MRPS14: variants seen among roughly 807,000 people sequenced by gnomAD.
MRPS14 encodes the protein small ribosomal subunit protein uS14m.
In MRPS14, 14 loss-of-function variants were observed where a neutral mutation model predicts 16.4. That is an observed-to-expected ratio of 0.85 (90% confidence interval 0.56 to 1.33). The LOEUF is 1.33. Ranked by LOEUF, MRPS14 falls within the 40% of genes most tolerant of loss-of-function variation. MRPS14 has a pLI of 0.00. For synonymous variants in MRPS14, 54 were observed against 61.9 expected (o/e 0.87, Z 0.60); for missense variants, 162 against 176.8 (o/e 0.92, Z 0.48).
chr1:175,016,422 G>A (rs1174833219), intron 2 of MRPS14, among the ~76,000 whole-genome samples: 1 of 152,072 alleles, frequency 6.6e-6, no homozygotes, highest in Admixed American at 6.6e-5. Flanking sequence ...AGGAAACTGG[G>A]GCAAAGAGAA....
Position 175,013,261 on chromosome 1 carries a change from C to T in MRPS14, c.*1408G>A, listed in dbSNP as rs546500884. ...GCGTACTAGTCTTCATCAGATGACA[C>T]AGGCATCTCCAACACCGCATGACTG... On this transcript the variant is annotated 3_prime_UTR_variant, in exon 3 of 3. Coordinates refer to ENST00000476371, the MANE Select transcript of MRPS14 (RefSeq NM_022100.3). 6.6e-6 allele frequency: 1 copy of T among 152,216 alleles called. No individual in the cohort carries two copies. Among genetic ancestry groups the T allele is most frequent in the African/African-American group, 2.4e-5 (1 of 41,434 alleles). 9.4% of individuals were successfully genotyped at this position (152,216 alleles called of 1,614,324 possible).
At chr1:175,017,044 G>A (rs1672892973) in intron 2 of MRPS14, among the ~76,000 whole-genome samples, 1 of 146,944 alleles carries the variant, frequency 6.8e-6, no homozygotes, top group Non-Finnish European at 1.5e-5. Flanking sequence ...CAGTTTCTTG[G>A]GGGCCCCCTG....
intron 2 of MRPS14, 86 bp from the exon 3 acceptor site, chr1:175,014,937 T>TA: frequency 3.1e-6 from 2 of 635,862 alleles, no homozygotes; most frequent in Non-Finnish European, 4.4e-6. Context: ...AATTTTCTTT[T>TA]CTTTTTTTTT....
At chr1:175,015,692 TTTC>T (rs1168610072) in intron 2 of MRPS14, among the ~76,000 whole-genome samples, 8 of 152,212 alleles carry the variant, frequency 5.3e-5, no homozygotes, top group African/African-American at 1.7e-4. Flanking sequence ...TCAGTAGAGA[TTTC>T]TTCTTATGTA....
intron 2 of MRPS14, among the ~76,000 whole-genome samples, chr1:175,016,718 A>T (rs767556670): frequency 6.6e-6 from 1 of 152,230 alleles, no homozygotes; most frequent in Non-Finnish European, 1.5e-5. Flanking sequence ...GATTTGCTAA[A>T]CATATACATT....
At chr1:175,021,454 A>G (rs2149415626) in intron 1 of MRPS14, among the ~76,000 whole-genome samples, 1 of 152,130 alleles carries the variant, frequency 6.6e-6, no homozygotes. Context: ...GTATTTTATT[A>G]TTAATAAGTG....
In MRPS14 at chr1:175,018,498, T is replaced by A; in HGVS notation, c.124A>T (p.Lys42Ter). The A allele has an allele frequency of 1.2e-6, 2 of 1,613,502 alleles. No individual in the cohort carries two copies. Among genetic ancestry groups the A allele is most frequent in the East Asian group, 2.2e-5 (1 of 44,854 alleles). ...TCATCTGCGTATTCATAGGCCATTT[T>A]TCGTCTCTTCACATCGCGCCACATT... ...WRMWRDVKRRKMAYEYADERL... is the reference protein window; with the variant it reads ...WRMWRDVKRR The change falls in exon 2 of 3, where the codon AAA becomes TAA. Residue 42 changes from lysine to a stop codon, truncating the protein, a stop_gained. Transcript: ENST00000476371. LOFTEE classifies it high-confidence loss of function.
chr1:175,019,688 A>T (rs751605928), intron 1 of MRPS14, among the ~76,000 whole-genome samples: 5 of 152,226 alleles, frequency 3.3e-5, no homozygotes, highest in Admixed American at 1.3e-4. Flanking sequence ...GTCCAGTAAT[A>T]AGACAGTATA....
chr1:175,018,309 A>T, intron 2 of MRPS14, 109 bp downstream of exon 2: 2 of 1,100,052 alleles, frequency 1.8e-6, no homozygotes, highest in Non-Finnish European at 2.6e-6. Context: ...TGTGGATCTT[A>T]TTCTCCAGAA....
At position 175,018,460 on chromosome 1, in the gene MRPS14, A is replaced by C; in HGVS notation, c.162T>G (p.Ile54Met). The stretch of plus-strand genomic sequence containing the variant: ...AAATGGTATTCTTCCTGAGTGAATT[A>C]ATACGTAGCCTCTCATCTGCGTATT... ...AYEYADERLR[I>M]NSLRKNTILP... Residue 54 changes from isoleucine (I) to methionine (M), a missense_variant, in exon 2 of 3, where the codon ATT (isoleucine) becomes ATG (methionine). Coordinates refer to ENST00000476371, the MANE Select transcript of MRPS14 (RefSeq NM_022100.3). The C allele has an allele frequency of 6.2e-7, 1 of 1,609,494 alleles. No individual in the cohort carries two copies. The highest frequency in any genetic ancestry group is 8.5e-7 in the Non-Finnish European group (1 of 1,178,946).
Position 175,014,482 on chromosome 1 carries a change from GAT to G in MRPS14, c.*185_*186del. 1 of 539,524 alleles carries G rather than the reference GAT, an allele frequency of 1.9e-6. No homozygotes were observed. The allele number at this position is 539,524 out of a possible 1,614,324, so 33.4% of individuals were successfully genotyped here. A position where few individuals can be genotyped will look rare whatever the true frequency, so the allele number is the denominator to read the frequency against. Reference sequence around the variant, plus strand: ...TATGTTTGTTAAGTCCAAGAGAAAAGATAATTCACTGACATGAAACACCCAAA... The same window carrying G: ...TATGTTTGTTAAGTCCAAGAGAAAAGAATTCACTGACATGAAACACCCAAA... On this transcript the variant is annotated 3_prime_UTR_variant, in exon 3 of 3. Coordinates refer to ENST00000476371, the MANE Select transcript of MRPS14 (RefSeq NM_022100.3).
intron 1 of MRPS14, among the ~76,000 whole-genome samples, chr1:175,020,562 G>A (rs1558331477): frequency 2.0e-5 from 3 of 151,864 alleles, no homozygotes; most frequent in Admixed American, 2.0e-4. Flanking sequence ...AGGCTGGAGT[G>A]CAATGACGCG....
intron 2 of MRPS14, among the ~76,000 whole-genome samples, chr1:175,017,507 G>A (rs1672904395): frequency 6.6e-6 from 1 of 152,178 alleles, no homozygotes; most frequent in Admixed American, 6.5e-5. Context: ...ATATCATTCT[G>A]CCAACTTCTC....
intron 1 of MRPS14, among the ~76,000 whole-genome samples, chr1:175,023,113 C>A (rs148769593): frequency 2.1e-3 from 325 of 152,350 alleles, no homozygotes; most frequent in African/African-American, 7.5e-3. Flanking sequence ...CGTCTCCTAT[C>A]TGCTTACTCC....
intron 1 of MRPS14, among the ~76,000 whole-genome samples, chr1:175,020,917 T>C (rs1288975751): frequency 1.3e-5 from 2 of 152,124 alleles, no homozygotes; most frequent in Admixed American, 1.3e-4. Flanking sequence ...CCTGCCCCCA[T>C]CTCTCACCCC....
intron 1 of MRPS14, among the ~76,000 whole-genome samples, chr1:175,020,548 G>T (rs567821237): frequency 4.6e-5 from 7 of 151,190 alleles, no homozygotes; most frequent in African/African-American, 1.7e-4. Context: ...TGCTCTTGTT[G>T]CCCAGGCTGG....
intron 1 of MRPS14, chr1:175,022,443 CTTTTTTTT>C (rs528474110): frequency 5.8e-5 from 8 of 136,996 alleles, no homozygotes; most frequent in African/African-American, 1.9e-4. Flanking sequence ...GCCTCTCTCT[CTTTTTTTT>C]TTTTTTTTTT....
intron 1 of MRPS14, among the ~76,000 whole-genome samples, chr1:175,020,963 C>G (rs1191664484): frequency 6.6e-6 from 1 of 152,142 alleles, no homozygotes; most frequent in East Asian, 1.9e-4. Flanking sequence ...TGGGCCCTCT[C>G]AATCCATGGT....
rs7554867 is a variant in MRPS14 at position 175,015,128 on chromosome 1, T to C, written c.205-277A>G. 3.6e-3 allele frequency among the ~76,000 whole-genome samples: 549 copies of C among 152,046 alleles called. 4 individuals are homozygous for C. The highest frequency in any genetic ancestry group is 0.011 in the African/African-American group (470 of 41,460). On this transcript the variant is annotated intron_variant, in intron 2 of 2. Coordinates refer to ENST00000476371, the MANE Select transcript of MRPS14 (RefSeq NM_022100.3). The stretch of plus-strand genomic sequence containing the variant: ...ACACTCAGCTAATTTTTTGTATTAT[T>C]AGTAGAAACGGGGTTTCACCACGTT...
Sources: gnomAD v4.1 joint callset for allele counts (sites outside exome capture counted in the v4.1 genomes callset) on GRCh38, gnomAD v4.1.1 for gene constraint, MANE v1.5 for transcripts, NCBI Gene and HGNC (gene_info 2026-07-23, HGNC 2026-07-21) for gene names.